DBT: variants seen among roughly 807,000 people sequenced by gnomAD.
DBT encodes the protein dihydrolipoamide branched chain transacylase E2.
A neutral mutation model predicts 51.3 loss-of-function variants in DBT; 40 were observed. That is an observed-to-expected ratio of 0.78 (90% CI 0.61 to 1.02). The LOEUF (loss-of-function observed/expected upper bound fraction) is 1.02. Among genes scored for constraint, DBT ranks in the 50% least tolerant of loss-of-function variants. The pLI is 0.00. For synonymous variants in DBT, 181 were observed against 190.4 expected (o/e 0.95, Z 0.41); for missense variants, 510 against 580.2 (o/e 0.88, Z 1.24).
At position 100,240,930 on chromosome 1, in the gene DBT, A is replaced by G. The variant is rs1664177288; in HGVS notation, c.52-46T>C. 12 of 1,584,130 alleles carry G rather than the reference A, an allele frequency of 7.6e-6. No homozygotes were observed. The African/African-American group carries it at 9.4e-5, about 12-fold the overall frequency. On this transcript the variant is annotated intron_variant, in intron 1 of 10. Transcript: ENST00000370132. ...AGTAAAAGCATTTATAAACAACCAT[A>G]CCGGCTTATCTCTAAGTATAAATTG... is the stretch of plus-strand genomic sequence containing the variant.
At chr1:100,206,026 T>C (rs527370458) in intron 10 of DBT, among the ~76,000 whole-genome samples, 4 of 146,652 alleles carry the variant, frequency 2.7e-5, no homozygotes, top group Non-Finnish European at 4.5e-5. Context: ...TGTATACTCA[T>C]GTAACAAACC....
At chr1:100,210,103 A>T (rs1260939251) in intron 8 of DBT, among the ~76,000 whole-genome samples, 1 of 151,812 alleles carries the variant, frequency 6.6e-6, no homozygotes, top group Non-Finnish European at 1.5e-5. Flanking sequence ...CTTAGACCAG[A>T]AGTTCAAGAC....
At chr1:100,245,073 A>G (rs1403647643) in intron 1 of DBT, among the ~76,000 whole-genome samples, 4 of 152,176 alleles carry the variant, frequency 2.6e-5, no homozygotes, top group African/African-American at 9.7e-5. Flanking sequence ...GAAAGAGGAG[A>G]AGAAATAATT....
In DBT at chr1:100,189,986, A is replaced by C. The variant is rs965645377; in HGVS notation, c.*6269T>G. 2.6e-5 allele frequency: 4 copies of C among 152,218 alleles called. No homozygotes were observed. The highest frequency in any genetic ancestry group is 5.9e-5 in the Non-Finnish European group (4 of 68,050). 9.4% of individuals were successfully genotyped at this position (152,218 alleles called of 1,614,324 possible). A position where few individuals can be genotyped will look rare whatever the true frequency, so the allele number is the denominator to read the frequency against. On this transcript the variant is annotated 3_prime_UTR_variant, in exon 11 of 11. Transcript: ENST00000370132. Reference sequence around the variant, plus strand: ...GCTACTGAGCAATTGAAATGTGGCTAGTATATCTGAGTTGAATTTTGATTA... The same window carrying C: ...GCTACTGAGCAATTGAAATGTGGCTCGTATATCTGAGTTGAATTTTGATTA...
Position 100,190,958 on chromosome 1 carries a change from A to C in DBT, c.*5297T>G, listed in dbSNP as rs1355623463. 1 of 152,240 alleles carries C rather than the reference A, an allele frequency of 6.6e-6. No homozygotes were observed. Among genetic ancestry groups the C allele is most frequent in the African/African-American group, 2.4e-5 (1 of 41,460 alleles). 9.4% of individuals were successfully genotyped at this position (152,240 alleles called of 1,614,324 possible). A position where few individuals can be genotyped will look rare whatever the true frequency, so the allele number is the denominator to read the frequency against. ...GTTTCAGACTAATCTGGTAATCCAG[A>C]TATTTCACAGAAAGTGTCATGTAAA... On this transcript the variant is annotated 3_prime_UTR_variant, in exon 11 of 11. Transcript: ENST00000370132.
chr1:100,223,331 A>AAAGAC (rs1230425736), intron 4 of DBT, among the ~76,000 whole-genome samples: 6 of 152,228 alleles, frequency 3.9e-5, no homozygotes, highest in Non-Finnish European at 7.3e-5. Flanking sequence ...CATCAGCTGT[A>AAAGAC]AAGACAACTC....
chr1:100,224,764 C>T (rs922201582), intron 4 of DBT, among the ~76,000 whole-genome samples: 2 of 151,808 alleles, frequency 1.3e-5, no homozygotes, highest in Admixed American at 6.6e-5. Flanking sequence ...CGCCTGTAAT[C>T]CCAGCACTTT....
In DBT at chr1:100,214,220, T is replaced by C. The variant is rs368794490; in HGVS notation, c.939+597A>G. ...AATTAATATCAAGTCTCATTTTAGT[T>C]CAAACCAAGACTTGGTTGGAGTGAT... On this transcript the variant is annotated intron_variant, in intron 7 of 10. Coordinates refer to ENST00000370132, the MANE Select transcript of DBT (RefSeq NM_001918.5). 4.6e-5 allele frequency among the ~76,000 whole-genome samples: 7 copies of C among 152,340 alleles called. No homozygotes were observed. In the East Asian group the frequency reaches 1.2e-3, roughly 25 times the overall value.
At chr1:100,233,107 T>C (rs1373951654) in intron 3 of DBT, among the ~76,000 whole-genome samples, 1 of 152,022 alleles carries the variant, frequency 6.6e-6, no homozygotes, top group Non-Finnish European at 1.5e-5. Context: ...TTGAAAAAGA[T>C]ATGTCACACA....
At chr1:100,217,719 T>C (rs1405521645) in intron 5 of DBT, among the ~76,000 whole-genome samples, 1 of 152,244 alleles carries the variant, frequency 6.6e-6, no homozygotes, top group Non-Finnish European at 1.5e-5. Flanking sequence ...CAGATTTGTG[T>C]TCAAATCCCT....
rs116042721 is a variant in DBT, at chr1:100,215,463, C to G, written c.773-480G>C. On this transcript the variant is annotated intron_variant, in intron 6 of 10. Coordinates refer to ENST00000370132, the MANE Select transcript of DBT (RefSeq NM_001918.5). The stretch of plus-strand genomic sequence containing the variant: ...TCAAGAAACCTGCTAACGTATTACT[C>G]TTCAGAAGATAATGATACACATAAA... Among the ~76,000 whole-genome samples, 373 of 152,272 alleles carry G rather than the reference C, an allele frequency of 2.4e-3. 2 individuals are homozygous for G. Among genetic ancestry groups the G allele is most frequent in the Non-Finnish European group, 4.1e-3 (280 of 68,010 alleles).
rs780183109 is a variant in DBT, at chr1:100,214,957, T to A, written c.799A>T (p.Met267Leu). Reference sequence around the variant, plus strand: ...TGAGGTATCTTCAGGGCTGCAGACATAGTCTTGACCATTGCTTTTTGAAAG... The same window carrying A: ...TGAGGTATCTTCAGGGCTGCAGACAAAGTCTTGACCATTGCTTTTTGAAAG... ...KGFQKAMVKTMSAALKIPHFG... is the reference protein window; with the variant it reads ...KGFQKAMVKTLSAALKIPHFG... The change falls in exon 7 of 11, where the codon ATG (methionine) becomes TTG (leucine). Residue 267 changes from methionine (M) to leucine (L), a missense_variant. By Grantham distance (15) the Met-to-Leu change is conservative. Coordinates refer to ENST00000370132, the MANE Select transcript of DBT (RefSeq NM_001918.5). 1.1e-5 allele frequency: 18 copies of A among 1,611,678 alleles called. 1 individual carries two copies. The Admixed American group carries it at 2.8e-4, about 25-fold the overall frequency.
rs1342128595 is a variant in DBT at position 100,218,608 on chromosome 1, A to T, written c.555+18T>A. ...CACTTCCTATACAATCTCAGACTTA[A>T]ATATTAAGAGAACTTACATTGTTTT... On this transcript the variant is annotated intron_variant, in intron 5 of 10. Coordinates refer to ENST00000370132, the MANE Select transcript of DBT (RefSeq NM_001918.5). 1.9e-6 allele frequency: 3 copies of T among 1,613,500 alleles called. No individual in the cohort carries two copies. The highest frequency in any genetic ancestry group is 2.5e-6 in the Non-Finnish European group (3 of 1,179,648).
intron 7 of DBT, among the ~76,000 whole-genome samples, chr1:100,213,823 TG>T (rs1275908594): frequency 6.6e-6 from 1 of 152,184 alleles, no homozygotes; most frequent in Non-Finnish European, 1.5e-5. Context: ...TCCCGGAGCG[TG>T]GAGAGGCAGC....
intron 4 of DBT, among the ~76,000 whole-genome samples, chr1:100,225,054 C>T (rs12731146): frequency 0.86 from 72,017 of 83,510 alleles, 31,137 homozygotes; most frequent in East Asian, 0.96. Context: ...TATATATATA[C>T]ACACACACAC....
At chr1:100,214,172 AAT>A (rs1489039123) in intron 7 of DBT, among the ~76,000 whole-genome samples, 1 of 152,132 alleles carries the variant, frequency 6.6e-6, no homozygotes, top group African/African-American at 2.4e-5. Context: ...ATAAATATTA[AAT>A]ATATGTCAGT....
intron 7 of DBT, chr1:100,213,400 GC>G: frequency 1.3e-6 from 2 of 1,568,840 alleles, no homozygotes. Context: ...TCCCCGCCGC[GC>G]CCCCGCAGCC....
At position 100,202,336 on chromosome 1, in the gene DBT, G is replaced by A. The variant is rs539619043; in HGVS notation, c.1281+3894C>T. 3.9e-5 allele frequency among the ~76,000 whole-genome samples: 6 copies of A among 152,288 alleles called. No homozygotes were observed. In the South Asian group the frequency reaches 1.2e-3, roughly 32 times the overall value. ...CAAGGGCATTACATAATGGTAAAGG[G>A]ATCAATGCAACAAGAATAGCTAACT... is the stretch of plus-strand genomic sequence containing the variant. On this transcript the variant is annotated intron_variant, in intron 10 of 10. Coordinates refer to ENST00000370132, the MANE Select transcript of DBT (RefSeq NM_001918.5).
chr1:100,244,712 GTAA>G (rs912989626), intron 1 of DBT, among the ~76,000 whole-genome samples: 56 of 152,056 alleles, frequency 3.7e-4, no homozygotes, highest in African/African-American at 6.8e-4. Flanking sequence ...CAGTAAGACA[GTAA>G]TAATAATAAC....
Sources: allele counts gnomAD v4.1 joint callset (sites outside exome capture counted in the v4.1 genomes callset), GRCh38; gene constraint gnomAD v4.1.1; transcripts MANE v1.5; gene names NCBI Gene and HGNC (gene_info 2026-07-23, HGNC 2026-07-21).